Variants in SCRN2 observed in about 807,000 individuals in gnomAD.
SCRN2 encodes secernin-2.
A neutral mutation model predicts 40.1 loss-of-function variants in SCRN2; 30 were observed. The ratio of observed to expected loss-of-function variants is 0.75; its 90% CI spans 0.56 to 1.01. The LOEUF (loss-of-function observed/expected upper bound fraction) is 1.01. Ranked by LOEUF, SCRN2 falls within the 50% of genes least tolerant of loss-of-function variation. The probability of loss-of-function intolerance (pLI) is 0.00; values close to 1 mark genes in which losing one functional copy is unlikely to be tolerated. For synonymous variants in SCRN2, 240 were observed against 233.5 expected (o/e 1.03, Z -0.25); for missense variants, 526 against 564.9 (o/e 0.93, Z 0.70).
Position 47,840,809 on chromosome 17 carries a change from C to T in SCRN2, c.35G>A (p.Cys12Tyr), listed in dbSNP as rs1306080350. ...CGGGGGCACGGAGACAAAGCAGTCG[C>T]AGGAACATGGGGAGTCAGGGCTCGA... ...ASSSPDSPCS[C>Y]DCFVSVPPAS... The change falls in exon 2 of 8, where the codon TGC (cysteine) becomes TAC (tyrosine). Residue 12 changes from cysteine (C) to tyrosine (Y), a missense_variant. Coordinates refer to ENST00000290216, the MANE Select transcript of SCRN2 (RefSeq NM_138355.4). 2 of 1,562,706 alleles carry T rather than the reference C, an allele frequency of 1.3e-6. No individual in the cohort carries two copies. The highest frequency in any genetic ancestry group is 2.7e-5 in the African/African-American group (2 of 73,084).
rs758437528 is a variant in SCRN2, at chr17:47,838,766, C to T, written c.772+25G>A. The stretch of plus-strand genomic sequence containing the variant: ...GGCACTGCTGTGGCCCTCCTGGCCC[C>T]CAGCCCCCTCCACCGTTCACTAACC... On this transcript the variant is annotated intron_variant, in intron 5 of 7. Transcript: ENST00000290216. 6.8e-6 allele frequency: 11 copies of T among 1,611,458 alleles called. No individual in the cohort carries two copies. In the South Asian group the frequency reaches 1.1e-4, roughly 16 times the overall value.
rs760718474 is a variant in SCRN2 at position 47,838,011 on chromosome 17, A to C, written c.1120-9T>G. 6 of 1,604,500 alleles carry C rather than the reference A, an allele frequency of 3.7e-6. No individual in the cohort carries two copies. The highest frequency in any genetic ancestry group is 5.1e-6 in the Non-Finnish European group (6 of 1,179,268). The stretch of plus-strand genomic sequence containing the variant: ...AGCTGCTGCCCCCGATCCTGCCCCA[A>C]GGGAAAGCTGAGATGAGTCTGTCCG... On this transcript the variant is annotated splice_polypyrimidine_tract_variant and intron_variant, in intron 7 of 7. Transcript: ENST00000290216.
chr17:47,839,321 T>C lies in SCRN2; in HGVS notation c.556+123A>G, dbSNP rs555371841. 4.8e-5 allele frequency: 48 copies of C among 991,384 alleles called. No individual in the cohort carries two copies. In the South Asian group the frequency reaches 7.3e-4, roughly 15 times the overall value. 61.4% of individuals were successfully genotyped at this position (991,384 alleles called of 1,614,324 possible). On this transcript the variant is annotated intron_variant, in intron 4 of 7. Transcript: ENST00000290216. ...CTTAACCAAGTGAAGGGGAGGAGAA[T>C]TCCCAAGTGGGCTCATCTCCCATCT...
rs1382065350 is a variant in SCRN2, at chr17:47,838,855, A to G, written c.708T>C (p.Pro236=). ...FAQIFSLTQQ[P]VRMEAAKARF... ...GGGCCTTGGCAGCCTCCATGCGCAC[A>G]GGCTGCTGGGTCAGGGAGAAGATCT... is the stretch of plus-strand genomic sequence containing the variant. Residue 236 remains proline, a synonymous_variant, in exon 5 of 8, where the codon CCT becomes CCC. Transcript: ENST00000290216. The G allele has an allele frequency of 1.2e-6, 2 of 1,613,498 alleles. No individual in the cohort carries two copies. The highest frequency in any genetic ancestry group is 2.7e-5 in the African/African-American group (2 of 74,914).
In SCRN2 at chr17:47,838,596, A is replaced by G. The variant is rs2033750514; in HGVS notation, c.873T>C (p.Ser291=). The G allele has an allele frequency of 1.2e-6, 2 of 1,613,952 alleles. No homozygotes were observed. The highest frequency in any genetic ancestry group is 2.7e-5 in the African/African-American group (2 of 74,922). ...GCTGCGTGGGATCCTGGGGCAGGAC[A>G]GACACCATGCTGGCCGTGGTGCGAA... The part of the protein sequence containing the change: ...GGFRTTASMV[S]VLPQDPTQPC... Residue 291 remains serine, a synonymous_variant, in exon 6 of 8, where the codon TCT becomes TCC. Transcript: ENST00000290216.
intron 1 of SCRN2, 102 bp downstream of exon 1, chr17:47,841,106 C>G: frequency 2.8e-6 from 1 of 362,116 alleles, no homozygotes; most frequent in Non-Finnish European, 5.0e-6. Context: ...GGACCGTCCC[C>G]CTCGCTACCC....
Position 47,841,237 on chromosome 17 carries a change from C to G in SCRN2, c.-30G>C, listed in dbSNP as rs2033818724. 1.2e-5 allele frequency: 2 copies of G among 162,136 alleles called. No individual in the cohort carries two copies. 10.0% of individuals were successfully genotyped at this position (162,136 alleles called of 1,614,324 possible). On this transcript the variant is annotated 5_prime_UTR_variant, in exon 1 of 8. Transcript: ENST00000290216. ...TCTTCCTCCAAGACCCCAGCTCGGT[C>G]CCGGGTGCCACCTCCTCCGCTTCTG...
In SCRN2 at chr17:47,837,706, T is replaced by G; in HGVS notation, c.*138A>C. 2.8e-6 allele frequency: 3 copies of G among 1,068,606 alleles called. No homozygotes were observed. The highest frequency in any genetic ancestry group is 3.8e-6 in the Non-Finnish European group (3 of 783,616). 66.2% of individuals were successfully genotyped at this position (1,068,606 alleles called of 1,614,324 possible). A position where few individuals can be genotyped will look rare whatever the true frequency, so the allele number is the denominator to read the frequency against. On this transcript the variant is annotated 3_prime_UTR_variant, in exon 8 of 8. Transcript: ENST00000290216. ...TTCACTGAAGAGAAAATAAAGCACA[T>G]TTATTAAGGCAAAGGCCAAGCTGGC...
Position 47,840,082 on chromosome 17 carries a change from G to C in SCRN2, c.356+109C>G, listed in dbSNP as rs940157757. On this transcript the variant is annotated intron_variant, in intron 3 of 7. Transcript: ENST00000290216. ...GCACAAGGGCAAAGTCTGCAGAGAG[G>C]AGGAGGCCCCTGTGAACCAGGCTGG... The C allele has an allele frequency of 7.9e-6, 9 of 1,141,604 alleles. No individual in the cohort carries two copies. In the East Asian group the frequency reaches 2.0e-4, roughly 25 times the overall value. 70.7% of individuals were successfully genotyped at this position (1,141,604 alleles called of 1,614,324 possible).
chr17:47,840,722 T>C lies in SCRN2; in HGVS notation c.122A>G (p.Gln41Arg). ...KNSDRPRDEV[Q>R]EVVFVPAGTH... is the part of the protein sequence containing the mutation. ...GCCTGCGGGGACAAACACCACCTCC[T>C]GCACCTCGTCCCGGGGTCGGTCCGA... Residue 41 changes from glutamine to arginine, a missense_variant, in exon 2 of 8, where the codon CAG (glutamine) becomes CGG (arginine). Physicochemically the swap from Gln to Arg is conservative, Grantham distance 43 (BLOSUM62 1). Coordinates refer to ENST00000290216, the MANE Select transcript of SCRN2 (RefSeq NM_138355.4). The C allele has an allele frequency of 1.2e-6, 2 of 1,604,554 alleles. No individual in the cohort carries two copies. The highest frequency in any genetic ancestry group is 1.7e-6 in the Non-Finnish European group (2 of 1,175,124).
At chr17:47,840,487 A>G in intron 2 of SCRN2, 115 bp from the exon 3 acceptor site, 2 of 1,328,194 alleles carry the variant, frequency 1.5e-6, no homozygotes, top group Non-Finnish European at 2.1e-6. Context: ...TTCCCATTTT[A>G]CAGAAGAGGA....
rs1192252653 is a variant in SCRN2 at position 47,840,323 on chromosome 17, A to C, written c.224T>G (p.Leu75Arg). 1 of 1,614,224 alleles carries C rather than the reference A, an allele frequency of 6.2e-7. No homozygotes were observed. The highest frequency in any genetic ancestry group is 1.3e-5 in the African/African-American group (1 of 75,074). Residue 75 changes from leucine to arginine, a missense_variant, in exon 3 of 8, where the codon CTG (leucine) becomes CGG (arginine). Leu to Arg is a moderately radical substitution (Grantham distance 102, BLOSUM62 -2). Coordinates refer to ENST00000290216, the MANE Select transcript of SCRN2 (RefSeq NM_138355.4). ...EQVSKTHAVI[L>R]SRPSWLWGAE... ...CCCCCATAGCCAAGAAGGACGGCTC[A>C]GAATCACAGCGTGCGTCTTCGACAC...
Position 47,840,829 on chromosome 17 carries a change from G to C in SCRN2, c.15C>G (p.Ser5Arg), listed in dbSNP as rs2033806954. 6.5e-7 allele frequency: 1 copy of C among 1,534,658 alleles called. No individual in the cohort carries two copies. Among genetic ancestry groups the C allele is most frequent in the Non-Finnish European group, 8.8e-7 (1 of 1,137,610 alleles). ...AGTCGCAGGAACATGGGGAGTCAGG[G>C]CTCGACGACGCCATCTGGGGAGAGG... is the stretch of plus-strand genomic sequence containing the variant. MASS[S>R]PDSPCSCDCF... The change falls in exon 2 of 8, where the codon AGC becomes AGG. Residue 5 changes from serine (S) to arginine (R), a missense_variant. Physicochemically the swap from Ser to Arg is moderately radical, Grantham distance 110. Transcript: ENST00000290216.
In SCRN2 at chr17:47,838,002, C is replaced by A. The variant is rs1337177715; in HGVS notation, c.1120G>T (p.Asp374Tyr). 1.9e-6 allele frequency: 3 copies of A among 1,605,946 alleles called. No individual in the cohort carries two copies. Among genetic ancestry groups the A allele is most frequent in the South Asian group, 2.2e-5 (2 of 90,958 alleles). The change falls in exon 8 of 8, where the codon GAT (aspartate) becomes TAT (tyrosine). Residue 374 changes from aspartate (D) to tyrosine (Y), a missense_variant and splice_region_variant. By Grantham distance (160) the Asp-to-Tyr change is radical. Coordinates refer to ENST00000290216, the MANE Select transcript of SCRN2 (RefSeq NM_138355.4). The stretch of plus-strand genomic sequence containing the variant: ...TTCTGCTGGAGCTGCTGCCCCCGAT[C>A]CTGCCCCAAGGGAAAGCTGAGATGA... ...AALGLMERDQ[D>Y]RGQQLQQKQQ...
In SCRN2 at chr17:47,838,650, C is replaced by T. The variant is rs748119022; in HGVS notation, c.819G>A (p.Glu273=). 2.5e-6 allele frequency: 4 copies of T among 1,614,130 alleles called. No homozygotes were observed. The highest frequency in any genetic ancestry group is 2.2e-5 in the East Asian group (1 of 44,878). ...CTCCCGAGTCCATACAGATACCACTCTCCTTGTCTCTGAGGATGCCCATCA... is the reference window on the plus strand; with the variant it reads ...CTCCCGAGTCCATACAGATACCACTTTCCTTGTCTCTGAGGATGCCCATCA... ...EVMMGILRDK[E]SGICMDSGGF... The change falls in exon 6 of 8, where the codon GAG becomes GAA. Residue 273 remains glutamate, a synonymous_variant. Coordinates refer to ENST00000290216, the MANE Select transcript of SCRN2 (RefSeq NM_138355.4).
At chr17:47,838,117 C>A in intron 7 of SCRN2, 115 bp from the exon 8 acceptor site, 1 of 1,529,702 alleles carries the variant, frequency 6.5e-7, no homozygotes. Flanking sequence ...CCCGACATTC[C>A]CCAAAGGCAG....
rs569100056 is a variant in SCRN2, at chr17:47,838,340, G to A, written c.1049C>T (p.Thr350Ile). Residue 350 changes from threonine to isoleucine, a missense_variant, in exon 7 of 8, where the codon ACT becomes ATT. Coordinates refer to ENST00000290216, the MANE Select transcript of SCRN2 (RefSeq NM_138355.4). ...DPVRTLPRFQ[T>I]QVDRRHTLYR... ...GAGGGTATGCCGACGATCTACCTGA[G>A]TCTGGAATCGGGGCAGGGTCCGAAC... The A allele has an allele frequency of 3.7e-6, 6 of 1,608,854 alleles. No individual in the cohort carries two copies. The African/African-American group carries it at 4.0e-5, about 11-fold the overall frequency.
rs1387309643 is a variant in SCRN2, at chr17:47,840,036, G to A, written c.356+155C>T. 1.5e-5 allele frequency: 10 copies of A among 684,326 alleles called. No homozygotes were observed. In the South Asian group the frequency reaches 1.5e-4, roughly 11 times the overall value. 42.4% of individuals were successfully genotyped at this position (684,326 alleles called of 1,614,324 possible). ...CAGGAGAGGCCCAAAGGTGGCTGCT[G>A]CTGCAGCCTTCTTCACGAAGGCACA... On this transcript the variant is annotated intron_variant, in intron 3 of 7. Transcript: ENST00000290216.
chr17:47,839,289 CG>C (rs2033771771), intron 4 of SCRN2, among the ~76,000 whole-genome samples, 154 bp downstream of exon 4: 1 of 152,234 alleles, frequency 6.6e-6, no homozygotes, highest in African/African-American at 2.4e-5. Flanking sequence ...CTGTAGCACA[CG>C]GAAGACTTAA....
Sources: gnomAD v4.1 joint callset for allele counts (sites outside exome capture counted in the v4.1 genomes callset) on GRCh38, gnomAD v4.1.1 for gene constraint, MANE v1.5 for transcripts, NCBI Gene and HGNC (gene_info 2026-07-23, HGNC 2026-07-21) for gene names.